Variants in SLC25A21 observed in about 807,000 individuals in gnomAD.
The protein encoded by SLC25A21 is mitochondrial 2-oxodicarboxylate carrier.
SLC25A21 carries 47 observed loss-of-function variants against 43.8 expected under a neutral mutation model. The observed-to-expected ratio is 1.07, with a 90% confidence interval of 0.85 to 1.37. The LOEUF is 1.37. Ranked by LOEUF, SLC25A21 falls within the 40% of genes most tolerant of loss-of-function variation. The pLI, the probability that SLC25A21 is intolerant of heterozygous loss-of-function variation, is 0.00. For missense variants in SLC25A21, 352 were observed against 350.2 expected, an observed-to-expected ratio of 1.00 and a Z score of -0.04; for synonymous variants, 131 against 121.3, an observed-to-expected ratio of 1.08 and a Z score of -0.52.
chr14:36,693,088 T>A (rs1594493093), intron 7 of SLC25A21, among the ~76,000 whole-genome samples: 1 of 152,350 alleles, frequency 6.6e-6, no homozygotes, highest in African/African-American at 2.4e-5. Context: ...CTGGAGGTGG[T>A]ACCTACGTGA....
chr14:36,867,317 C>T (rs848040), intron 2 of SLC25A21, among the ~76,000 whole-genome samples: 50,644 of 151,932 alleles, frequency 0.33, 9,101 homozygotes, highest in East Asian at 0.43. Flanking sequence ...TCAATGAAGA[C>T]GACACAATGA....
At chr14:37,163,392 G>A (rs1963982024) in intron 1 of SLC25A21, among the ~76,000 whole-genome samples, 1 of 151,730 alleles carries the variant, frequency 6.6e-6, no homozygotes, top group Admixed American at 6.6e-5. Context: ...ATTTATATAA[G>A]GACTACAGAT....
At chr14:36,938,575 A>G (rs900307526) in intron 1 of SLC25A21, among the ~76,000 whole-genome samples, 1 of 151,946 alleles carries the variant, frequency 6.6e-6, no homozygotes, top group South Asian at 2.1e-4. Context: ...TGCTTGGTTG[A>G]TTTTGATATT....
intron 1 of SLC25A21, among the ~76,000 whole-genome samples, chr14:37,083,439 GACT>G (rs1456453525): frequency 6.6e-6 from 1 of 152,114 alleles, no homozygotes; most frequent in Non-Finnish European, 1.5e-5. Flanking sequence ...CACGTTCAGT[GACT>G]ACAATAATGC....
At chr14:37,013,432 C>T (rs900060958) in intron 1 of SLC25A21, among the ~76,000 whole-genome samples, 3 of 152,164 alleles carry the variant, frequency 2.0e-5, no homozygotes, top group Non-Finnish European at 4.4e-5. Context: ...CACCAGGATG[C>T]TCCAAGGGGG....
chr14:36,959,561 G>T (rs1959436097), intron 1 of SLC25A21, among the ~76,000 whole-genome samples: 1 of 152,096 alleles, frequency 6.6e-6, no homozygotes, highest in South Asian at 2.1e-4. Context: ...CAAAGAAATG[G>T]GGAAGAAAGG....
chr14:36,964,171 G>A lies in SLC25A21; in HGVS notation c.71-89167C>T, dbSNP rs181381249. Among the ~76,000 whole-genome samples, 920 of 152,242 alleles carry A rather than the reference G, an allele frequency of 6.0e-3. 3 individuals are homozygous for A. Among genetic ancestry groups the A allele is most frequent in the Middle Eastern group, 0.024 (7 of 294 alleles). ...AAATGTTTCTAAGTATATGCATCCT[G>A]ATTTATGAATCAATAGCATATTTGT... On this transcript the variant is annotated intron_variant, in intron 1 of 9. Transcript: ENST00000331299.
intron 1 of SLC25A21, among the ~76,000 whole-genome samples, chr14:37,000,614 A>T (rs114902791): frequency 0.02 from 2,972 of 152,092 alleles, 95 homozygotes; most frequent in African/African-American, 0.067. Context: ...AATCTGAGAG[A>T]TCTTCTGATG....
At chr14:36,945,693 T>C (rs1244340383) in intron 1 of SLC25A21, among the ~76,000 whole-genome samples, 2 of 152,122 alleles carry the variant, frequency 1.3e-5, no homozygotes, top group South Asian at 2.1e-4. Context: ...AAATAGAATG[T>C]TGGCATCAGG....
At chr14:36,738,628 C>G (rs113525085) in intron 3 of SLC25A21, among the ~76,000 whole-genome samples, 4 of 152,270 alleles carry the variant, frequency 2.6e-5, no homozygotes, top group African/African-American at 9.6e-5. Context: ...TCACATCAAG[C>G]CAACTAGAAG....
chr14:36,784,057 T>G (rs187919906), intron 3 of SLC25A21, among the ~76,000 whole-genome samples: 1 of 152,196 alleles, frequency 6.6e-6, no homozygotes, highest in Non-Finnish European at 1.5e-5. Flanking sequence ...GTTGAAAGTG[T>G]CTGTACCAAC....
In SLC25A21 at chr14:36,804,043, T is replaced by G. The variant is rs375673584; in HGVS notation, c.203+9875A>C. Among the ~76,000 whole-genome samples, 408 of 152,300 alleles carry G rather than the reference T, an allele frequency of 2.7e-3. 17 individuals carry two copies. In the South Asian group the frequency reaches 0.082, roughly 31 times the overall value. On this transcript the variant is annotated intron_variant, in intron 3 of 9. Coordinates refer to ENST00000331299, the MANE Select transcript of SLC25A21 (RefSeq NM_030631.4). Reference sequence around the variant, plus strand: ...ATGGTGCCACATGTCAGAAGACATGTGTAATCTAATTTCATTTGCCTAAGA... The same window carrying G: ...ATGGTGCCACATGTCAGAAGACATGGGTAATCTAATTTCATTTGCCTAAGA...
intron 4 of SLC25A21, among the ~76,000 whole-genome samples, chr14:36,732,422 G>A (rs559744317): frequency 3.3e-5 from 5 of 152,174 alleles, no homozygotes; most frequent in Non-Finnish European, 5.9e-5. Flanking sequence ...GCCCATCTGT[G>A]AGGGATCAGC....
chr14:36,753,919 CAGAGAG>C (rs56871881), intron 3 of SLC25A21, among the ~76,000 whole-genome samples: 3,028 of 130,032 alleles, frequency 0.023, 38 homozygotes, highest in African/African-American at 0.042. Context: ...TCACTGGGGA[CAGAGAG>C]AGAGAGAGAG....
intron 1 of SLC25A21, among the ~76,000 whole-genome samples, chr14:37,055,060 G>A (rs879554243): frequency 2.0e-5 from 3 of 152,188 alleles, no homozygotes; most frequent in Non-Finnish European, 4.4e-5. Flanking sequence ...ACCCCCTTGT[G>A]ACTGCAAGCG....
chr14:36,764,038 A>AAGAAAGAAAGAAAGAAAGAAAGAAAGAC (rs1886267622), intron 3 of SLC25A21, among the ~76,000 whole-genome samples: 1 of 26,460 alleles, frequency 3.8e-5, no homozygotes, highest in Non-Finnish European at 6.2e-5. Flanking sequence ...AAGAAAGAAA[A>AAGAAAGAAAGAAAGAAAGAAAGAAAGAC]AGAAAGAAAG....
chr14:36,750,208 AT>A (rs1342693655), intron 3 of SLC25A21, among the ~76,000 whole-genome samples: 3 of 152,122 alleles, frequency 2.0e-5, no homozygotes, highest in East Asian at 1.9e-4. Flanking sequence ...CCAAATGTCC[AT>A]TTTTTTTCTG....
intron 1 of SLC25A21, among the ~76,000 whole-genome samples, chr14:36,918,773 T>C (rs1326214858): frequency 6.6e-6 from 1 of 152,028 alleles, no homozygotes; most frequent in Non-Finnish European, 1.5e-5. Context: ...CACATCTTTA[T>C]TACCTTTAAA....
At chr14:36,758,592 A>C (rs904786227) in intron 3 of SLC25A21, among the ~76,000 whole-genome samples, 1 of 61,984 alleles carries the variant, frequency 1.6e-5, no homozygotes, top group Admixed American at 1.3e-4. Flanking sequence ...AGCCAGGTCA[A>C]AAAAAAAAAA....
Sources: gnomAD v4.1 joint callset for allele counts (sites outside exome capture counted in the v4.1 genomes callset) on GRCh38, gnomAD v4.1.1 for gene constraint, MANE v1.5 for transcripts, NCBI Gene and HGNC (gene_info 2026-07-23, HGNC 2026-07-21) for gene names.